Variants in CWH43 observed in about 807,000 individuals in gnomAD.
CWH43 encodes PGAP2-interacting protein.
In CWH43, 91 loss-of-function variants were observed where a neutral mutation model predicts 85.7. That is an observed-to-expected ratio of 1.06 (90% CI 0.90 to 1.26). The LOEUF (loss-of-function observed/expected upper bound fraction) is 1.26. Ranked by LOEUF, CWH43 falls within the 50% of genes most tolerant of loss-of-function variation. The pLI is 0.00. For synonymous variants in CWH43, 323 were observed against 293.6 expected, an observed-to-expected ratio of 1.10 and a Z score of -1.02; for missense variants, 869 against 839.2, an observed-to-expected ratio of 1.04 and a Z score of -0.44.
intron 2 of CWH43, among the ~76,000 whole-genome samples, 165 bp from the exon 3 acceptor site, chr4:48,991,289 G>A (rs1358672494): frequency 1.3e-5 from 2 of 152,130 alleles, no homozygotes; most frequent in Non-Finnish European, 2.9e-5. Flanking sequence ...TTTATGATAT[G>A]TGAATTGTAT....
chr4:49,020,416 C>CATATATAT (rs1553915061), intron 9 of CWH43, among the ~76,000 whole-genome samples: 22 of 128,394 alleles, frequency 1.7e-4, no homozygotes, highest in African/African-American at 4.5e-4. Context: ...CACACACACA[C>CATATATAT]ATATATATAT....
At chr4:49,034,305 A>G (rs1784195466) in intron 12 of CWH43, among the ~76,000 whole-genome samples, 7 of 152,152 alleles carry the variant, frequency 4.6e-5, no homozygotes, top group Admixed American at 4.6e-4. Context: ...TAATACTTTC[A>G]TGTTTAAAGG....
chr4:49,015,539 C>T (rs562051302), intron 8 of CWH43, among the ~76,000 whole-genome samples: 2 of 152,212 alleles, frequency 1.3e-5, no homozygotes, highest in East Asian at 3.9e-4. Context: ...TTTCCTCCAT[C>T]TTGCTTGATA....
chr4:49,002,989 A>G (rs1783041720), intron 6 of CWH43, among the ~76,000 whole-genome samples: 1 of 152,172 alleles, frequency 6.6e-6, no homozygotes, highest in African/African-American at 2.4e-5. Context: ...TTTTCTATGG[A>G]AAGGGGTTAT....
At chr4:48,994,949 T>G in intron 5 of CWH43, 129 bp downstream of exon 5, 1 of 791,700 alleles carries the variant, frequency 1.3e-6, no homozygotes, top group Non-Finnish European at 2.2e-6. Flanking sequence ...TATCAGAATG[T>G]GGCATGAAAT....
intron 8 of CWH43, among the ~76,000 whole-genome samples, chr4:49,011,477 T>C (rs757156526): frequency 2.0e-5 from 3 of 152,218 alleles, no homozygotes; most frequent in Non-Finnish European, 4.4e-5. Context: ...AAGGTGAATA[T>C]TGTTATGTGT....
At chr4:48,995,684 A>C (rs1451887198) in intron 5 of CWH43, among the ~76,000 whole-genome samples, 1 of 152,044 alleles carries the variant, frequency 6.6e-6, no homozygotes, top group African/African-American at 2.4e-5. Context: ...TTGTCTGTCC[A>C]CCTCATCATC....
chr4:49,059,359 T>C (rs1785068171), intron 15 of CWH43, among the ~76,000 whole-genome samples: 1 of 152,226 alleles, frequency 6.6e-6, no homozygotes, highest in Non-Finnish European at 1.5e-5. Flanking sequence ...TGTACTCTTT[T>C]TTCTTATTTT....
Position 49,054,940 on chromosome 4 carries a change from T to A in CWH43, c.2021+4091T>A, listed in dbSNP as rs552387020. 2.0e-5 allele frequency among the ~76,000 whole-genome samples: 3 copies of A among 152,168 alleles called. No individual in the cohort carries two copies. In the South Asian group the frequency reaches 6.2e-4, roughly 32 times the overall value. ...AGGGATATATATATATATATAATCA[T>A]GTCACCTGCAAATAGGGACAATTTA... On this transcript the variant is annotated intron_variant, in intron 15 of 15. Coordinates refer to ENST00000226432, the MANE Select transcript of CWH43 (RefSeq NM_025087.3).
chr4:49,028,288 G>A (rs1484341366), intron 9 of CWH43, among the ~76,000 whole-genome samples: 1 of 152,026 alleles, frequency 6.6e-6, no homozygotes, highest in African/African-American at 2.4e-5. Context: ...GGGCTGTGTA[G>A]TGTTCCATTC....
At chr4:49,038,230 T>C in intron 13 of CWH43, 50 bp downstream of exon 13, 1 of 1,445,494 alleles carries the variant, frequency 6.9e-7, no homozygotes, top group Non-Finnish European at 9.2e-7. Context: ...AACATTTCTT[T>C]TTCTTTCATG....
chr4:48,989,250 G>A (rs953635568), intron 2 of CWH43, among the ~76,000 whole-genome samples: 4 of 152,126 alleles, frequency 2.6e-5, no homozygotes, highest in African/African-American at 9.7e-5. Context: ...AAATGTATAG[G>A]TCATAAATCA....
chr4:49,040,581 G>GA (rs1360405318), intron 13 of CWH43, among the ~76,000 whole-genome samples: 1 of 152,120 alleles, frequency 6.6e-6, no homozygotes, highest in Non-Finnish European at 1.5e-5. Flanking sequence ...CCCACTTTTT[G>GA]ATGGGGTTGT....
At chr4:49,026,582 C>T (rs760356107) in intron 9 of CWH43, among the ~76,000 whole-genome samples, 8 of 142,288 alleles carry the variant, frequency 5.6e-5, no homozygotes, top group African/African-American at 1.0e-4. Context: ...TTGTATAACT[C>T]ATGCCTTTGC....
chr4:49,058,705 C>A (rs910219352), intron 15 of CWH43, among the ~76,000 whole-genome samples: 2 of 152,168 alleles, frequency 1.3e-5, no homozygotes, highest in African/African-American at 4.8e-5. Flanking sequence ...CTTACCTTTC[C>A]TTGTCCCTGA....
chr4:49,031,067 G>C, intron 11 of CWH43, 107 bp downstream of exon 11: 1 of 1,081,488 alleles, frequency 9.2e-7, no homozygotes, highest in Non-Finnish European at 1.3e-6. Flanking sequence ...ATGTGCCCCA[G>C]TGATGCTTCT....
chr4:49,045,115 T>C (rs990793584), intron 14 of CWH43, among the ~76,000 whole-genome samples: 13 of 152,152 alleles, frequency 8.5e-5, no homozygotes, highest in African/African-American at 3.1e-4. Context: ...ATGGTGAATA[T>C]GTAGCTGTCA....
At chr4:48,986,990 T>G (rs1392888264) in intron 1 of CWH43, among the ~76,000 whole-genome samples, 1 of 152,222 alleles carries the variant, frequency 6.6e-6, no homozygotes, top group Non-Finnish European at 1.5e-5. Flanking sequence ...GCGAAAAGCA[T>G]CAGACTCGAG....
chr4:49,058,255 T>C (rs1391404124), intron 15 of CWH43, among the ~76,000 whole-genome samples: 1 of 152,182 alleles, frequency 6.6e-6, no homozygotes, highest in African/African-American at 2.4e-5. Context: ...TCTGTGTATC[T>C]ACTATAGGTT....
Sources: allele counts gnomAD v4.1 joint callset (sites outside exome capture counted in the v4.1 genomes callset), GRCh38; gene constraint gnomAD v4.1.1; transcripts MANE v1.5; gene names NCBI Gene and HGNC (gene_info 2026-07-23, HGNC 2026-07-21).